Variants in GPC6 observed in about 807,000 individuals in gnomAD.
The protein encoded by GPC6 is glypican 6.
In GPC6, 14 loss-of-function variants were observed where a neutral mutation model predicts 55.2. That is an observed-to-expected ratio of 0.25 (90% CI 0.17 to 0.40). The LOEUF is 0.40. Ranked by LOEUF, GPC6 falls within the 10% of genes least tolerant of loss-of-function variation. The pLI, the probability that GPC6 is intolerant of heterozygous loss-of-function variation, is 1.00. For synonymous variants in GPC6, 278 were observed against 259.6 expected, an observed-to-expected ratio of 1.07 and a Z score of -0.68; for missense variants, 641 against 708.5, an observed-to-expected ratio of 0.90 and a Z score of 1.08.
At chr13:94,266,034 G>A (rs759079233) in intron 4 of GPC6, among the ~76,000 whole-genome samples, 38 of 152,074 alleles carry the variant, frequency 2.5e-4, no homozygotes, top group African/African-American at 7.5e-4. Context: ...GGATGTTTCC[G>A]CTAGGTGTCT....
In GPC6 at chr13:93,785,718, T is replaced by C. The variant is rs180861988; in HGVS notation, c.320-44436T>C. The stretch of plus-strand genomic sequence containing the variant: ...ATTCATGCTTGTAATCCCAGCACTT[T>C]GGAAGGCTGAGGTGGGAGGATCATC... On this transcript the variant is annotated intron_variant, in intron 2 of 8. Coordinates refer to ENST00000377047, the MANE Select transcript of GPC6 (RefSeq NM_005708.5). Among the ~76,000 whole-genome samples the C allele has an allele frequency of 3.0e-4, 46 of 152,290 alleles. No homozygotes were observed. In the East Asian group the frequency reaches 3.7e-3, roughly 12 times the overall value.
intron 1 of GPC6, among the ~76,000 whole-genome samples, chr13:93,356,158 T>A (rs1334860873): frequency 6.6e-6 from 1 of 152,132 alleles, no homozygotes; most frequent in African/African-American, 2.4e-5. Flanking sequence ...GGAAATTTGG[T>A]CCTCATTTGT....
At chr13:93,485,059 A>G (rs865989394) in intron 1 of GPC6, among the ~76,000 whole-genome samples, 10 of 152,234 alleles carry the variant, frequency 6.6e-5, no homozygotes, top group South Asian at 2.1e-4. Flanking sequence ...ATGTGATAAC[A>G]CAAAGAAGGG....
intron 4 of GPC6, among the ~76,000 whole-genome samples, chr13:94,165,314 C>T (rs139984048): frequency 8.7e-5 from 13 of 148,982 alleles, no homozygotes; most frequent in African/African-American, 3.2e-4. Flanking sequence ...ACTATTCAGC[C>T]ATAAAAAGGA....
At chr13:94,237,714 T>C (rs939918469) in intron 4 of GPC6, among the ~76,000 whole-genome samples, 18 of 151,780 alleles carry the variant, frequency 1.2e-4, no homozygotes, top group African/African-American at 3.9e-4. Flanking sequence ...AAAAAGGAGA[T>C]TGTGAATAAA....
chr13:93,739,672 AC>A (rs1884133488), intron 2 of GPC6, among the ~76,000 whole-genome samples: 1 of 151,838 alleles, frequency 6.6e-6, no homozygotes, highest in Non-Finnish European at 1.5e-5. Context: ...CTCGTGATCC[AC>A]CCGCCTCCAC....
At chr13:93,752,616 T>C (rs574855595) in intron 2 of GPC6, among the ~76,000 whole-genome samples, 2 of 151,968 alleles carry the variant, frequency 1.3e-5, no homozygotes, top group South Asian at 2.1e-4. Flanking sequence ...TGTTGAGGAG[T>C]GTAGTAGTCT....
At chr13:94,163,576 A>G (rs17791738) in intron 4 of GPC6, among the ~76,000 whole-genome samples, 6,913 of 152,288 alleles carry the variant, frequency 0.045, 220 homozygotes, top group East Asian at 0.08. Context: ...TTTATTCCCT[A>G]TACTTGACTT....
At chr13:94,345,185 A>G (rs1878227327) in intron 6 of GPC6, among the ~76,000 whole-genome samples, 1 of 152,182 alleles carries the variant, frequency 6.6e-6, no homozygotes. Context: ...TAGTCGAATT[A>G]TTTCAAATTT....
chr13:93,435,583 C>T (rs1877541887), intron 1 of GPC6, among the ~76,000 whole-genome samples: 3 of 151,252 alleles, frequency 2.0e-5, no homozygotes, highest in Admixed American at 6.6e-5. Flanking sequence ...GCCAGAAAAC[C>T]ACCAACGAAA....
At chr13:93,736,534 C>G (rs753327790) in intron 2 of GPC6, among the ~76,000 whole-genome samples, 2 of 152,050 alleles carry the variant, frequency 1.3e-5, no homozygotes, top group African/African-American at 2.4e-5. Flanking sequence ...GTGGCATTTT[C>G]CATCTTCTTT....
At chr13:94,152,713 G>C (rs1887786218) in intron 4 of GPC6, among the ~76,000 whole-genome samples, 1 of 151,912 alleles carries the variant, frequency 6.6e-6, no homozygotes, top group African/African-American at 2.4e-5. Context: ...TCTCTTCAGT[G>C]CTGCAACTCT....
intron 4 of GPC6, among the ~76,000 whole-genome samples, chr13:94,035,556 C>T (rs566922025): frequency 2.7e-4 from 41 of 152,130 alleles, no homozygotes; most frequent in African/African-American, 9.6e-4. Context: ...TAACCAGAGT[C>T]CTTCACGTGG....
chr13:94,082,600 C>T lies in GPC6; in HGVS notation c.877+54706C>T, dbSNP rs191183337. Among the ~76,000 whole-genome samples the T allele has an allele frequency of 3.6e-4, 55 of 152,282 alleles. No homozygotes were observed. In the East Asian group the frequency reaches 8.3e-3, roughly 23 times the overall value. On this transcript the variant is annotated intron_variant, in intron 4 of 8. Coordinates refer to ENST00000377047, the MANE Select transcript of GPC6 (RefSeq NM_005708.5). ...AGACATAACTTCACCACCCACCTTC[C>T]GCAGGGCCCAGCATTCCAGTGGCCC...
At position 93,576,155 on chromosome 13, in the gene GPC6, A is replaced by G. The variant is rs3910922; in HGVS notation, c.319+30734A>G. ...CTTCTATTTGTTATGTTGTGTGTAGATTTGTTGCTATAGTGAGAGAAAAGA... is the reference window on the plus strand; with the variant it reads ...CTTCTATTTGTTATGTTGTGTGTAGGTTTGTTGCTATAGTGAGAGAAAAGA... On this transcript the variant is annotated intron_variant, in intron 2 of 8. Transcript: ENST00000377047. Among the ~76,000 whole-genome samples the G allele has an allele frequency of 3.2e-3, 484 of 152,208 alleles. 3 individuals are homozygous for G. Among genetic ancestry groups the G allele is most frequent in the African/African-American group, 0.011 (445 of 41,540 alleles).
In GPC6 at chr13:94,407,407, G is replaced by T. The variant is rs1331001540; in HGVS notation, c.*4190G>T. On this transcript the variant is annotated 3_prime_UTR_variant, in exon 9 of 9. Coordinates refer to ENST00000377047, the MANE Select transcript of GPC6 (RefSeq NM_005708.5). Reference sequence around the variant, plus strand: ...AAATAGTTTTTAAAAATCTACCAGTGCCCTTTCTGCATTTTCTTAATTATT... The same window carrying T: ...AAATAGTTTTTAAAAATCTACCAGTTCCCTTTCTGCATTTTCTTAATTATT... 4.6e-5 allele frequency: 7 copies of T among 152,014 alleles called. No homozygotes were observed. The East Asian group carries it at 9.6e-4, about 21-fold the overall frequency. 9.4% of individuals were successfully genotyped at this position (152,014 alleles called of 1,614,324 possible).
intron 2 of GPC6, among the ~76,000 whole-genome samples, chr13:93,741,336 C>G (rs752363235): frequency 7.2e-5 from 11 of 151,848 alleles, no homozygotes; most frequent in African/African-American, 1.5e-4. Context: ...AGGATGGTCT[C>G]GATCTCCTGA....
At chr13:94,318,531 TACTC>T (rs150589602) in intron 6 of GPC6, among the ~76,000 whole-genome samples, 3,135 of 152,328 alleles carry the variant, frequency 0.021, 50 homozygotes, top group Non-Finnish European at 0.034. Flanking sequence ...TATTGTGTAA[TACTC>T]ACCCTTCTTG....
intron 2 of GPC6, among the ~76,000 whole-genome samples, chr13:93,660,153 GA>G (rs1035096024): frequency 4.6e-5 from 7 of 151,382 alleles, no homozygotes; most frequent in Non-Finnish European, 5.9e-5. Context: ...TCCTAATCTG[GA>G]AAAAAAACTA....
Sources: gnomAD v4.1 joint callset for allele counts (sites outside exome capture counted in the v4.1 genomes callset) on GRCh38, gnomAD v4.1.1 for gene constraint, MANE v1.5 for transcripts, NCBI Gene and HGNC (gene_info 2026-07-23, HGNC 2026-07-21) for gene names.